COG4: variants seen among roughly 807,000 people sequenced by gnomAD.
The protein encoded by COG4 is conserved oligomeric Golgi complex subunit 4.
COG4 carries 65 observed loss-of-function variants against 95.1 expected under a neutral mutation model. That is an observed-to-expected ratio of 0.68 (90% CI 0.56 to 0.84). COG4 has a LOEUF of 0.84. Ranked by LOEUF, COG4 falls within the 40% of genes least tolerant of loss-of-function variation. The pLI is 0.00. For synonymous variants in COG4, 421 were observed against 374.8 expected (o/e 1.12, Z -1.42); for missense variants, 1,045 against 989.1 (o/e 1.06, Z -0.76).
Position 70,517,587 on chromosome 16 carries a change from CAA to C in COG4, c.369+37_369+38del, listed in dbSNP as rs746781437. 28,859 of 447,636 alleles carry C rather than the reference CAA, an allele frequency of 0.064. No individual in the cohort carries two copies. The highest frequency in any genetic ancestry group is 0.078 in the East Asian group (1,577 of 20,314). 27.7% of individuals were successfully genotyped at this position (447,636 alleles called of 1,614,324 possible). A position where few individuals can be genotyped will look rare whatever the true frequency, so the allele number is the denominator to read the frequency against. ...TAGGTGACAGAGCAAGACCCTGTCT[CAA>C]AAAAAAAAAAAAAAAAAAAAAAGCT... is the stretch of plus-strand genomic sequence containing the variant. On this transcript the variant is annotated intron_variant, in intron 3 of 18. Coordinates refer to ENST00000323786, the MANE Select transcript of COG4 (RefSeq NM_015386.3).
intron 3 of COG4, among the ~76,000 whole-genome samples, chr16:70,516,411 C>A (rs1440949161): frequency 6.6e-6 from 1 of 151,920 alleles, no homozygotes; most frequent in Non-Finnish European, 1.5e-5. Flanking sequence ...ATTCTCCTGC[C>A]TCAGACTCCT....
chr16:70,514,548 C>A, intron 3 of COG4, 39 bp from the exon 4 acceptor site: 1 of 1,578,136 alleles, frequency 6.3e-7, no homozygotes, highest in East Asian at 2.2e-5. Flanking sequence ...ATGTCCTATT[C>A]TTTCAAAAAC....
chr16:70,506,704 TGAGTCCAC>T (rs985260753), intron 8 of COG4, among the ~76,000 whole-genome samples: 228 of 147,446 alleles, frequency 1.5e-3, no homozygotes, highest in African/African-American at 5.4e-3. Flanking sequence ...GAGGATCGCC[TGAGTCCAC>T]GAGTTGGTGG....
intron 15 of COG4, 120 bp downstream of exon 15, chr16:70,482,609 G>C (rs900613043): frequency 6.3e-6 from 5 of 788,426 alleles, no homozygotes; most frequent in Admixed American, 2.0e-5. Flanking sequence ...GGGTCAGGGT[G>C]GGGGAAGTGG....
chr16:70,481,028 G>C lies in COG4; in HGVS notation c.2352C>G (p.Ile784Met). The C allele has an allele frequency of 6.2e-7, 1 of 1,612,942 alleles. No individual in the cohort carries two copies. Among genetic ancestry groups the C allele is most frequent in the Non-Finnish European group, 8.5e-7 (1 of 1,180,036 alleles). The change falls in exon 19 of 19, where the codon ATC becomes ATG. Residue 784 changes from isoleucine to methionine, a missense_variant. Transcript: ENST00000323786. ...ALRIDFRSED[I>M]KRLRL is the part of the protein sequence containing the mutation. Reference sequence around the variant, plus strand: ...CAGGCAGCTACAGGCGCAGCCTCTTGATATCTTCACTGCGGAAGTCTATCC... The same window carrying C: ...CAGGCAGCTACAGGCGCAGCCTCTTCATATCTTCACTGCGGAAGTCTATCC...
chr16:70,509,386 T>C lies in COG4; in HGVS notation c.847A>G (p.Ile283Val), dbSNP rs761989788. 6.2e-7 allele frequency: 1 copy of C among 1,614,050 alleles called. No individual in the cohort carries two copies. Among genetic ancestry groups the C allele is most frequent in the Admixed American group, 1.7e-5 (1 of 59,996 alleles). The part of the protein sequence containing the change: ...ADTLTLLFEG[I>V]ARIVETHQPI... ...TGGTGGGTCTCCACAATGCGGGCAA[T>C]CCCTAGAAGGGAGGAAGCAATAGGG... The change falls in exon 7 of 19, where the codon ATT becomes GTT. Residue 283 changes from isoleucine (I) to valine (V), a missense_variant and splice_region_variant. Physicochemically the swap from Ile to Val is conservative, Grantham distance 29. Transcript: ENST00000323786.
chr16:70,509,842 G>A, intron 6 of COG4, 74 bp downstream of exon 6: 1 of 1,070,434 alleles, frequency 9.3e-7, no homozygotes, highest in Non-Finnish European at 1.4e-6. Context: ...CAGGCTAGAA[G>A]GGTGAGAAGA....
At chr16:70,497,485 G>A in intron 10 of COG4, 98 bp from the exon 11 acceptor site, 1 of 1,169,390 alleles carries the variant, frequency 8.6e-7, no homozygotes. Context: ...TCCCTTTTCT[G>A]TACCTTGTCC....
intron 3 of COG4, among the ~76,000 whole-genome samples, chr16:70,515,393 G>C (rs2049800282): frequency 6.6e-6 from 1 of 151,982 alleles, no homozygotes; most frequent in Non-Finnish European, 1.5e-5. Context: ...GGTTTTTTTA[G>C]AACATGCTTG....
At chr16:70,522,999 G>A in intron 1 of COG4, 1 of 274,000 alleles carries the variant, frequency 3.6e-6, no homozygotes, top group Non-Finnish European at 7.1e-6. Flanking sequence ...CAGGATGAGA[G>A]CGTTTCATAA....
Position 70,481,506 on chromosome 16 carries a change from C to T in COG4, c.2107-19G>A. The T allele has an allele frequency of 6.2e-7, 1 of 1,610,592 alleles. No individual in the cohort carries two copies. The highest frequency in any genetic ancestry group is 8.5e-7 in the Non-Finnish European group (1 of 1,179,970). ...CACCCAGCTGCAGGAGAACCCAAGC[C>T]CAGTCACTACTTAGGCCTGGCCAAG... On this transcript the variant is annotated intron_variant, in intron 17 of 18. Transcript: ENST00000323786.
chr16:70,481,003 C>G lies in COG4; in HGVS notation c.*7G>C, dbSNP rs192714339. 2.2e-4 allele frequency: 356 copies of G among 1,611,990 alleles called. 1 individual carries two copies. The highest frequency in any genetic ancestry group is 2.6e-4 in the South Asian group (24 of 91,016). ...GTGTGATGAGCCAGGTGTGCTCATC[C>G]AGGCAGCTACAGGCGCAGCCTCTTG... On this transcript the variant is annotated 3_prime_UTR_variant, in exon 19 of 19. Coordinates refer to ENST00000323786, the MANE Select transcript of COG4 (RefSeq NM_015386.3).
chr16:70,482,015 G>A (rs1294914954), intron 16 of COG4, 77 bp downstream of exon 16: 16 of 1,388,732 alleles, frequency 1.2e-5, no homozygotes, highest in Non-Finnish European at 1.6e-5. Context: ...CAGAAGGAAT[G>A]TGATGAGACC....
intron 13 of COG4, among the ~76,000 whole-genome samples, chr16:70,488,479 G>A (rs2049181067): frequency 6.6e-6 from 1 of 151,736 alleles, no homozygotes. Context: ...GGCTGGCCTC[G>A]AACTCCTGGC....
intron 11 of COG4, 133 bp downstream of exon 11, chr16:70,497,088 C>T (rs2049354589): frequency 1.1e-6 from 1 of 914,390 alleles, no homozygotes; most frequent in Admixed American, 2.0e-5. Context: ...AGGATACTAT[C>T]TTAGGGATAG....
At chr16:70,482,449 G>A (rs979050065) in intron 15 of COG4, 18 of 607,170 alleles carry the variant, frequency 3.0e-5, no homozygotes, top group South Asian at 1.4e-4. Flanking sequence ...AAATCACTAC[G>A]CCAGGAGGAA....
chr16:70,488,654 T>A (rs192839321), intron 13 of COG4, among the ~76,000 whole-genome samples: 44 of 152,278 alleles, frequency 2.9e-4, no homozygotes, highest in African/African-American at 8.4e-4. Flanking sequence ...TTCAAACAAT[T>A]CTCCTGCCTC....
intron 15 of COG4, 187 bp from the exon 16 acceptor site, chr16:70,482,362 C>A: frequency 1.5e-6 from 1 of 668,776 alleles, no homozygotes; most frequent in South Asian, 1.6e-5. Context: ...CAGCCCAGGG[C>A]TGTAGCAGTG....
chr16:70,498,294 T>A (rs1223290375), intron 9 of COG4, among the ~76,000 whole-genome samples: 3 of 152,168 alleles, frequency 2.0e-5, no homozygotes, highest in Admixed American at 1.3e-4. Context: ...ATCAGGTGCA[T>A]AATCCACATT....
Sources: allele counts gnomAD v4.1 joint callset (sites outside exome capture counted in the v4.1 genomes callset), GRCh38; gene constraint gnomAD v4.1.1; transcripts MANE v1.5; gene names NCBI Gene and HGNC (gene_info 2026-07-23, HGNC 2026-07-21).